Variants in ZBTB20 observed in about 807,000 individuals in gnomAD.
ZBTB20 encodes zinc finger and BTB domain-containing protein 20.
In ZBTB20, 9 loss-of-function variants were observed where a neutral mutation model predicts 56.9. The ratio of observed to expected loss-of-function variants is 0.16; its 90% confidence interval spans 0.10 to 0.28. The LOEUF (loss-of-function observed/expected upper bound fraction) is 0.28. Among genes scored for constraint, ZBTB20 ranks in the 10% least tolerant of loss-of-function variants. The pLI is 1.00. For missense variants in ZBTB20, 655 were observed against 1,003.0 expected, an observed-to-expected ratio of 0.65 and a Z score of 4.69; for synonymous variants, 417 against 420.7, an observed-to-expected ratio of 0.99 and a Z score of 0.11.
chr3:114,701,483 A>G (rs982271031), intron 5 of ZBTB20, among the ~76,000 whole-genome samples: 10 of 152,174 alleles, frequency 6.6e-5, no homozygotes, highest in African/African-American at 1.9e-4. Context: ...AACAGGCCAG[A>G]GGAAACTGGT....
At chr3:114,399,002 A>G (rs938801484) in intron 7 of ZBTB20, among the ~76,000 whole-genome samples, 2 of 152,152 alleles carry the variant, frequency 1.3e-5, no homozygotes, top group African/African-American at 4.8e-5. Context: ...AACATACAAC[A>G]GCGCAGGGCA....
intron 4 of ZBTB20, among the ~76,000 whole-genome samples, chr3:114,820,176 T>C (rs371773015): frequency 2.0e-5 from 3 of 151,896 alleles, no homozygotes; most frequent in East Asian, 3.9e-4. Context: ...ATAAAAATGA[T>C]CCTCAGAGTA....
At chr3:114,840,089 T>A (rs7632496) in intron 4 of ZBTB20, among the ~76,000 whole-genome samples, 2 of 152,008 alleles carry the variant, frequency 1.3e-5, no homozygotes, top group Non-Finnish European at 2.9e-5. Context: ...ACATTTTGAG[T>A]GAGACAGATT....
At chr3:114,651,386 TAGTATCAC>T (rs1344525971) in intron 6 of ZBTB20, among the ~76,000 whole-genome samples, 1 of 151,906 alleles carries the variant, frequency 6.6e-6, no homozygotes, top group Non-Finnish European at 1.5e-5. Context: ...GCCAGAACAC[TAGTATCAC>T]AGTTAAATGC....
rs557144025 is a variant in ZBTB20, at chr3:114,678,320, A to T, written c.-295+15208T>A. ...TGAAAACCATTTCTATTCTGTTTTT[A>T]AAAAAAAGAGTTTTAAAATGCACAC... On this transcript the variant is annotated intron_variant, in intron 6 of 11. Transcript: ENST00000675478. Among the ~76,000 whole-genome samples the T allele has an allele frequency of 1.2e-3, 179 of 152,122 alleles. 1 individual carries two copies. The highest frequency in any genetic ancestry group is 0.011 in the South Asian group (53 of 4,816).
intron 2 of ZBTB20, among the ~76,000 whole-genome samples, chr3:115,005,920 A>C (rs1278242024): frequency 6.6e-6 from 1 of 151,406 alleles, no homozygotes; most frequent in Non-Finnish European, 1.5e-5. Context: ...TTTCTCTTTA[A>C]CTTCATTTCA....
At chr3:115,066,136 T>A (rs1047603567) in intron 2 of ZBTB20, among the ~76,000 whole-genome samples, 20 of 152,166 alleles carry the variant, frequency 1.3e-4, no homozygotes, top group African/African-American at 4.8e-4. Context: ...CAGAATCACA[T>A]CATATTTTCT....
At chr3:114,929,411 G>A (rs1174535706) in intron 3 of ZBTB20, among the ~76,000 whole-genome samples, 1 of 152,218 alleles carries the variant, frequency 6.6e-6, no homozygotes, top group South Asian at 2.1e-4. Context: ...GGTGAGAAAG[G>A]AGAGAAAGGA....
At chr3:114,410,385 C>T (rs2108763535) in intron 7 of ZBTB20, among the ~76,000 whole-genome samples, 1 of 152,100 alleles carries the variant, frequency 6.6e-6, no homozygotes, top group East Asian at 1.9e-4. Context: ...TAATGAGGGG[C>T]TTAGGAGTTT....
chr3:114,649,753 T>G (rs1316775025), intron 6 of ZBTB20, among the ~76,000 whole-genome samples: 1 of 152,000 alleles, frequency 6.6e-6, no homozygotes, highest in Non-Finnish European at 1.5e-5. Flanking sequence ...GTCACATTCC[T>G]TTAAATTTAC....
intron 6 of ZBTB20, among the ~76,000 whole-genome samples, chr3:114,566,292 C>A (rs2052741897): frequency 6.6e-6 from 1 of 152,138 alleles, no homozygotes. Flanking sequence ...GAAGGGCATG[C>A]CGAGTTTCCC....
intron 6 of ZBTB20, among the ~76,000 whole-genome samples, chr3:114,639,257 C>T (rs1428316827): frequency 6.6e-6 from 1 of 152,002 alleles, no homozygotes; most frequent in Non-Finnish European, 1.5e-5. Flanking sequence ...TGACCTTAAA[C>T]ATAAGGTGTG....
At chr3:114,612,496 C>A (rs932506924) in intron 6 of ZBTB20, among the ~76,000 whole-genome samples, 9 of 151,996 alleles carry the variant, frequency 5.9e-5, no homozygotes, top group Non-Finnish European at 1.2e-4. Flanking sequence ...AAAATTTTCT[C>A]CATCGTTTTA....
At chr3:114,680,156 G>T (rs1423302155) in intron 6 of ZBTB20, among the ~76,000 whole-genome samples, 1 of 152,052 alleles carries the variant, frequency 6.6e-6, no homozygotes, top group Non-Finnish European at 1.5e-5. Context: ...GCTAGGGGAG[G>T]GATAGCATTA....
intron 2 of ZBTB20, among the ~76,000 whole-genome samples, chr3:115,070,525 C>T (rs2082372086): frequency 6.6e-6 from 1 of 151,978 alleles, no homozygotes; most frequent in Admixed American, 6.6e-5. Flanking sequence ...TACTGTATAC[C>T]TACCATTTCC....
At chr3:115,109,802 T>C (rs889915840) in intron 1 of ZBTB20, among the ~76,000 whole-genome samples, 1 of 152,248 alleles carries the variant, frequency 6.6e-6, no homozygotes, top group South Asian at 2.1e-4. Context: ...GAAAAGTATA[T>C]TAAGTATCTC....
intron 4 of ZBTB20, among the ~76,000 whole-genome samples, chr3:114,873,506 A>G (rs1023278891): frequency 6.6e-6 from 1 of 152,146 alleles, no homozygotes; most frequent in Non-Finnish European, 1.5e-5. Flanking sequence ...CTTTGGCTTC[A>G]AATGCCTTCA....
intron 5 of ZBTB20, among the ~76,000 whole-genome samples, chr3:114,709,162 T>G (rs898822940): frequency 2.6e-5 from 4 of 152,146 alleles, no homozygotes; most frequent in African/African-American, 9.7e-5. Flanking sequence ...AATACCAATT[T>G]CTCTTTAAGT....
At chr3:115,028,701 T>C (rs1404113717) in intron 2 of ZBTB20, among the ~76,000 whole-genome samples, 1 of 150,484 alleles carries the variant, frequency 6.6e-6, no homozygotes, top group Non-Finnish European at 1.5e-5. Flanking sequence ...TACTAATATA[T>C]ATGATAAATT....
Sources: gnomAD v4.1 joint callset for allele counts (sites outside exome capture counted in the v4.1 genomes callset) on GRCh38, gnomAD v4.1.1 for gene constraint, MANE v1.5 for transcripts, NCBI Gene and HGNC (gene_info 2026-07-23, HGNC 2026-07-21) for gene names.